JDP2: variants seen among roughly 807,000 people sequenced by gnomAD.
The protein encoded by JDP2 is Jun dimerization protein 2.
A neutral mutation model predicts 17.1 loss-of-function variants in JDP2; 9 were observed. The observed-to-expected ratio is 0.53, with a 90% CI of 0.32 to 0.92. The LOEUF is 0.92. Among genes scored for constraint, JDP2 ranks in the 40% least tolerant of loss-of-function variants. The pLI, the probability that JDP2 is intolerant of heterozygous loss-of-function variation, is 0.04. For synonymous variants in JDP2, 107 were observed against 95.6 expected (o/e 1.12, Z -0.69); for missense variants, 179 against 220.0 (o/e 0.81, Z 1.18).
At position 75,441,592 on chromosome 14, in the gene JDP2, C is replaced by T. The variant is rs534451687; in HGVS notation, c.201+3471C>T. On this transcript the variant is annotated intron_variant, in intron 2 of 3. Coordinates refer to ENST00000651602, the MANE Select transcript of JDP2 (RefSeq NM_001135048.2). The stretch of plus-strand genomic sequence containing the variant: ...TAAGGTGAGTTAGTGGTCAGCACCA[C>T]GAAGAAAAATTAAGCAGACCAAGGA... Among the ~76,000 whole-genome samples the T allele has an allele frequency of 3.7e-4, 56 of 152,284 alleles. 1 individual carries two copies. The South Asian group carries it at 0.01, about 28-fold the overall frequency.
rs563901017 is a variant in JDP2, at chr14:75,432,830, C to T, written c.-24+4578C>T. On this transcript the variant is annotated intron_variant, in intron 1 of 3. Transcript: ENST00000651602. ...CTGGATGAAAATGCTGATCGTTGGG[C>T]ACTTTCTAGCAAGAACGGCCCTTGT... Among the ~76,000 whole-genome samples, 62 of 152,246 alleles carry T rather than the reference C, an allele frequency of 4.1e-4. 1 individual carries two copies. The South Asian group carries it at 0.012, about 31-fold the overall frequency.
At chr14:75,452,424 G>A (rs948010367) in intron 2 of JDP2, among the ~76,000 whole-genome samples, 5 of 152,126 alleles carry the variant, frequency 3.3e-5, no homozygotes, top group Admixed American at 2.6e-4. Flanking sequence ...CCCCAGGACC[G>A]GAGAGGTGAC....
At chr14:75,468,551 A>T (rs570802082) in intron 3 of JDP2, among the ~76,000 whole-genome samples, 90 of 152,306 alleles carry the variant, frequency 5.9e-4, no homozygotes, top group Non-Finnish European at 1.0e-3. Context: ...CCCGAATCAA[A>T]TCGTCAACAT....
intron 3 of JDP2, among the ~76,000 whole-genome samples, chr14:75,464,272 G>C (rs1233182441): frequency 6.6e-6 from 1 of 152,204 alleles, no homozygotes; most frequent in Admixed American, 6.5e-5. Flanking sequence ...AGATACATAT[G>C]TTAATTGTTA....
At chr14:75,432,477 G>A (rs1751280180) in intron 1 of JDP2, 14 of 792,036 alleles carry the variant, frequency 1.8e-5, no homozygotes, top group South Asian at 1.2e-4. Context: ...AGTCTCAGTC[G>A]CCATTGCCCA....
At chr14:75,446,210 TA>T (rs1361803422) in intron 2 of JDP2, among the ~76,000 whole-genome samples, 1 of 152,230 alleles carries the variant, frequency 6.6e-6, no homozygotes, top group Non-Finnish European at 1.5e-5. Context: ...CGTGGGAATG[TA>T]AAATGATGCA....
intron 3 of JDP2, among the ~76,000 whole-genome samples, chr14:75,466,875 G>T (rs1272370804): frequency 2.0e-5 from 3 of 152,200 alleles, no homozygotes; most frequent in African/African-American, 7.2e-5. Context: ...AATCCAGCTA[G>T]TCACCAAGAT....
chr14:75,432,337 G>T, intron 1 of JDP2: 10 of 1,551,548 alleles, frequency 6.4e-6, no homozygotes, highest in Non-Finnish European at 8.7e-6. Context: ...ATGGTAGCAG[G>T]TACTATGCGC....
intron 3 of JDP2, among the ~76,000 whole-genome samples, chr14:75,464,398 A>T (rs1886479598): frequency 6.6e-6 from 1 of 152,204 alleles, no homozygotes; most frequent in African/African-American, 2.4e-5. Flanking sequence ...GATCAAAAGT[A>T]TTCAGAAAAA....
Position 75,438,001 on chromosome 14 carries a change from C to A in JDP2, c.81C>A (p.Ser27Arg), listed in dbSNP as rs141897337. Residue 27 changes from serine (S) to arginine (R), a missense_variant, in exon 2 of 4, where the codon AGC becomes AGA. Coordinates refer to ENST00000651602, the MANE Select transcript of JDP2 (RefSeq NM_001135048.2). ...TTGGCCCCCTGACCGGGCTCCCCAG[C>A]TCGGCCCTGACTGTGGAGGAGCTGA... ...PGLGPLTGLPSSALTVEELKY... is the reference protein window; with the variant it reads ...PGLGPLTGLPRSALTVEELKY... 3 of 1,613,738 alleles carry A rather than the reference C, an allele frequency of 1.9e-6. No individual in the cohort carries two copies. In the African/African-American group the frequency reaches 4.0e-5, roughly 22 times the overall value.
At chr14:75,461,630 C>T in intron 3 of JDP2, 100 bp downstream of exon 3, 2 of 891,320 alleles carry the variant, frequency 2.2e-6, no homozygotes, top group Non-Finnish European at 3.6e-6. Flanking sequence ...AGTCAATGAG[C>T]ATCTGCTGGC....
In JDP2 at chr14:75,435,077, C is replaced by T. The variant is rs74491219; in HGVS notation, c.-23-2821C>T. On this transcript the variant is annotated intron_variant, in intron 1 of 3. Coordinates refer to ENST00000651602, the MANE Select transcript of JDP2 (RefSeq NM_001135048.2). The stretch of plus-strand genomic sequence containing the variant: ...GCCGCGTGGCCACATGGTTTGTTCC[C>T]GGCACAGTTTTGCTACAAGGAATAG... 5.3e-3 allele frequency among the ~76,000 whole-genome samples: 813 copies of T among 152,342 alleles called. 6 individuals carry two copies. Among genetic ancestry groups the T allele is most frequent in the East Asian group, 0.019 (101 of 5,192 alleles).
chr14:75,443,904 TA>T (rs1594954846), intron 2 of JDP2, among the ~76,000 whole-genome samples: 1 of 115,046 alleles, frequency 8.7e-6, no homozygotes, highest in East Asian at 3.0e-4. Flanking sequence ...TTAGTGTTGT[TA>T]TGAATTTTTT....
rs752609146 is a variant in JDP2, at chr14:75,438,130, GCCTT to G, written c.201+10_201+13del. ...AGCCCGTGAAAAGTGAGGTGAGCGA[GCCTT>G]TTACCCCTGGCAGATTCCAGGTCTG... On this transcript the variant is annotated intron_variant, in intron 2 of 3. Coordinates refer to ENST00000651602, the MANE Select transcript of JDP2 (RefSeq NM_001135048.2). The G allele has an allele frequency of 6.3e-7, 1 of 1,593,456 alleles. No individual in the cohort carries two copies. Among genetic ancestry groups the G allele is most frequent in the Non-Finnish European group, 8.6e-7 (1 of 1,166,892 alleles).
At chr14:75,455,980 G>A (rs10873278) in intron 2 of JDP2, among the ~76,000 whole-genome samples, 58,921 of 151,922 alleles carry the variant, frequency 0.39, 11,674 homozygotes, top group South Asian at 0.46. Context: ...GAATGTTGCT[G>A]AGGGTGGGAT....
At chr14:75,463,021 C>T (rs1033467889) in intron 3 of JDP2, among the ~76,000 whole-genome samples, 5 of 152,222 alleles carry the variant, frequency 3.3e-5, no homozygotes, top group African/African-American at 1.2e-4. Context: ...CAAGTGCCTG[C>T]CATGAGCAGA....
At chr14:75,453,019 C>G (rs777414372) in intron 2 of JDP2, among the ~76,000 whole-genome samples, 3 of 151,978 alleles carry the variant, frequency 2.0e-5, no homozygotes, top group Non-Finnish European at 2.9e-5. Context: ...GGGCCTGGCC[C>G]CTGCAGGCTG....
At chr14:75,457,670 C>G (rs1004585138) in intron 2 of JDP2, among the ~76,000 whole-genome samples, 1 of 152,210 alleles carries the variant, frequency 6.6e-6, no homozygotes, top group African/African-American at 2.4e-5. Context: ...GGCTGTGGAA[C>G]TGGGGGCTCT....
At chr14:75,427,607 G>A (rs1461366951), upstream of JDP2, 1 of 152,710 alleles carries the variant, frequency 6.5e-6, no homozygotes, top group African/African-American at 2.4e-5. The surrounding 1 kb of genome is among the most constrained non-coding windows in gnomAD (Gnocchi z 4.4). Context: ...CTTTTCCCCC[G>A]GCTCCGGCCT....
Sources: allele counts gnomAD v4.1 joint callset (sites outside exome capture counted in the v4.1 genomes callset), GRCh38; gene constraint gnomAD v4.1.1; non-coding constraint Gnocchi (gnomAD v3.1); transcripts MANE v1.5; gene names NCBI Gene and HGNC (gene_info 2026-07-23, HGNC 2026-07-21).